Variants in ASIC2 observed in about 807,000 individuals in gnomAD.
The protein encoded by ASIC2 is acid-sensing ion channel 2.
Under a neutral mutation model 57.3 loss-of-function variants are expected in ASIC2, and 25 were observed. The ratio of observed to expected loss-of-function variants is 0.44; its 90% confidence interval spans 0.32 to 0.61. The LOEUF (loss-of-function observed/expected upper bound fraction) is 0.61, where lower values mean the gene tolerates loss of function less well. Ranked by LOEUF, ASIC2 falls within the 20% of genes least tolerant of loss-of-function variation. ASIC2 has a pLI of 0.06. For missense variants in ASIC2, 641 were observed against 738.1 expected (o/e 0.87, Z 1.52); for synonymous variants, 319 against 307.5 (o/e 1.04, Z -0.39).
At chr17:34,040,420 G>A (rs1315657607) in intron 1 of ASIC2, among the ~76,000 whole-genome samples, 6 of 130,230 alleles carry the variant, frequency 4.6e-5, no homozygotes, top group African/African-American at 1.7e-4. Context: ...GGGGGGTGGG[G>A]GAAGCGCCGA....
At chr17:33,555,128 A>T (rs1028467068) in intron 1 of ASIC2, among the ~76,000 whole-genome samples, 1 of 152,124 alleles carries the variant, frequency 6.6e-6, no homozygotes, top group African/African-American at 2.4e-5. Context: ...CAATGGTCAG[A>T]TGTCTCAGAA....
chr17:33,604,442 G>A (rs368074910), intron 1 of ASIC2, among the ~76,000 whole-genome samples: 87 of 152,260 alleles, frequency 5.7e-4, no homozygotes, highest in African/African-American at 2.0e-3. Flanking sequence ...GAGGGTTTCC[G>A]CTGGAAACTC....
intron 1 of ASIC2, among the ~76,000 whole-genome samples, chr17:33,578,750 T>C (rs112757034): frequency 6.6e-6 from 1 of 152,066 alleles, no homozygotes; most frequent in African/African-American, 2.4e-5. Context: ...GGCTTTTCAA[T>C]ACAGCCCCAC....
chr17:33,509,163 A>G (rs901880203), intron 1 of ASIC2, among the ~76,000 whole-genome samples: 22 of 152,018 alleles, frequency 1.4e-4, no homozygotes, highest in African/African-American at 5.1e-4. Flanking sequence ...CTATCAAGAG[A>G]GGGGAGGAAG....
chr17:33,461,394 C>G (rs529137675), intron 1 of ASIC2, among the ~76,000 whole-genome samples: 2 of 152,254 alleles, frequency 1.3e-5, no homozygotes, highest in South Asian at 4.2e-4. Context: ...GGCATATTCT[C>G]CAAATTCTCC....
At chr17:33,197,594 T>G (rs1906685212) in intron 1 of ASIC2, among the ~76,000 whole-genome samples, 1 of 152,230 alleles carries the variant, frequency 6.6e-6, no homozygotes, top group Non-Finnish European at 1.5e-5. Flanking sequence ...TTGGCATTGA[T>G]GAATGCACCC....
intron 2 of ASIC2, among the ~76,000 whole-genome samples, chr17:33,111,514 G>A (rs2092258084): frequency 6.6e-6 from 1 of 152,198 alleles, no homozygotes; most frequent in Middle Eastern, 3.4e-3. Flanking sequence ...CCCAGTGGGC[G>A]GCAGCCTGCT....
At chr17:33,542,964 T>G (rs1315906571) in intron 1 of ASIC2, among the ~76,000 whole-genome samples, 1 of 151,854 alleles carries the variant, frequency 6.6e-6, no homozygotes, top group Non-Finnish European at 1.5e-5. Flanking sequence ...CCATAAAAAA[T>G]GATGAGTTCA....
rs199711915 is a variant in ASIC2, at chr17:33,730,178, T to TA, written c.555+425799dup. ...CTGTGAATGGATAACTAAAAAAGTG[T>TA]AAAAAAAAATGCTTTCCTACCTTTT... On this transcript the variant is annotated intron_variant, in intron 1 of 9. Transcript: ENST00000359872. Among the ~76,000 whole-genome samples, 403 of 151,430 alleles carry TA rather than the reference T, an allele frequency of 2.7e-3. 4 individuals carry two copies. Among genetic ancestry groups the TA allele is most frequent in the South Asian group, 2.9e-3 (14 of 4,776 alleles).
intron 1 of ASIC2, among the ~76,000 whole-genome samples, chr17:34,092,898 CAACATATCG>C (rs1244762900): frequency 2.0e-5 from 3 of 152,124 alleles, no homozygotes; most frequent in Non-Finnish European, 4.4e-5. Flanking sequence ...TATCCCTGGA[CAACATATCG>C]AATTGTTTTG....
At chr17:33,629,177 T>C (rs951897132) in intron 1 of ASIC2, among the ~76,000 whole-genome samples, 1 of 152,200 alleles carries the variant, frequency 6.6e-6, no homozygotes, top group Non-Finnish European at 1.5e-5. Context: ...AGAAACCAGC[T>C]TCTGTAGCCA....
chr17:33,093,760 C>T (rs565195420), intron 2 of ASIC2, among the ~76,000 whole-genome samples: 2 of 152,226 alleles, frequency 1.3e-5, no homozygotes, highest in Admixed American at 6.5e-5. Context: ...GAATGCATAA[C>T]GGGGCAGGGA....
chr17:33,956,710 G>A (rs1003796935), intron 1 of ASIC2, among the ~76,000 whole-genome samples: 9 of 152,170 alleles, frequency 5.9e-5, no homozygotes, highest in Non-Finnish European at 7.3e-5. Flanking sequence ...TGTGTTCAAT[G>A]CCTGCCCCTA....
At chr17:34,129,007 T>C (rs548639650) in intron 1 of ASIC2, among the ~76,000 whole-genome samples, 1 of 152,222 alleles carries the variant, frequency 6.6e-6, no homozygotes, top group South Asian at 2.1e-4. Context: ...GGAGTGAACA[T>C]GAATACACCG....
intron 1 of ASIC2, among the ~76,000 whole-genome samples, chr17:33,737,048 T>C (rs1200471913): frequency 6.6e-6 from 1 of 152,276 alleles, no homozygotes; most frequent in African/African-American, 2.4e-5. Flanking sequence ...ATTTTATTGT[T>C]TGGAGACACC....
chr17:33,761,927 A>G (rs1910795464), intron 1 of ASIC2, among the ~76,000 whole-genome samples: 1 of 150,346 alleles, frequency 6.7e-6, no homozygotes, highest in Non-Finnish European at 1.5e-5. Flanking sequence ...TGACCTTCCT[A>G]GGAGTCAGGG....
intron 1 of ASIC2, among the ~76,000 whole-genome samples, chr17:33,878,924 C>T (rs113059800): frequency 6.6e-6 from 1 of 152,170 alleles, no homozygotes; most frequent in African/African-American, 2.4e-5. Context: ...AGAAACTCTA[C>T]AAGCCAGAAG....
chr17:33,882,588 G>A (rs1296575204), intron 1 of ASIC2, among the ~76,000 whole-genome samples: 21 of 152,124 alleles, frequency 1.4e-4, no homozygotes, highest in East Asian at 1.9e-4. Context: ...TTAGAATGGC[G>A]ATCATTAAAA....
At chr17:33,062,503 C>T (rs1175908402) in intron 3 of ASIC2, among the ~76,000 whole-genome samples, 10 of 152,200 alleles carry the variant, frequency 6.6e-5, no homozygotes, top group South Asian at 6.2e-4. Flanking sequence ...GAGTTCTAGT[C>T]TGATTGCACT....
Sources: allele counts gnomAD v4.1 joint callset (sites outside exome capture counted in the v4.1 genomes callset), GRCh38; gene constraint gnomAD v4.1.1; transcripts MANE v1.5; gene names NCBI Gene and HGNC (gene_info 2026-07-23, HGNC 2026-07-21).